The following OS9 variants were observed in gnomAD, a reference collection of about 807,000 sequenced individuals.
OS9 encodes the protein OS9 endoplasmic reticulum lectin.
In OS9, 58 loss-of-function variants were observed where a neutral mutation model predicts 84.7. That is an observed-to-expected ratio of 0.68 (90% CI 0.55 to 0.85). The LOEUF (loss-of-function observed/expected upper bound fraction) is 0.85. Among genes scored for constraint, OS9 ranks in the 40% least tolerant of loss-of-function variants. OS9 has a pLI of 0.00. For missense variants in OS9, 760 were observed against 850.9 expected, an observed-to-expected ratio of 0.89 and a Z score of 1.33; for synonymous variants, 278 against 320.8, an observed-to-expected ratio of 0.87 and a Z score of 1.43.
intron 2 of OS9, 69 bp from the exon 3 acceptor site, chr12:57,695,710 CA>C: frequency 1.1e-6 from 1 of 952,286 alleles, no homozygotes; most frequent in South Asian, 1.3e-5. Context: ...GTCTTGGAGC[CA>C]GGAGACTCTG....
intron 5 of OS9, among the ~76,000 whole-genome samples, chr12:57,697,920 C>CGGACCCTA (rs1555192641): frequency 2.5e-5 from 2 of 81,064 alleles, no homozygotes; most frequent in South Asian, 4.0e-4. Flanking sequence ...CACACACACA[C>CGGACCCTA]ACATACACAC....
At chr12:57,708,938 C>T (rs1954251023) in intron 5 of OS9, among the ~76,000 whole-genome samples, 4 of 152,164 alleles carry the variant, frequency 2.6e-5, no homozygotes, top group African/African-American at 4.8e-5. Flanking sequence ...TGCTGATTTC[C>T]CTATAGCCGT....
At chr12:57,715,494 G>GT (rs763517651) in intron 5 of OS9, among the ~76,000 whole-genome samples, 1 of 152,174 alleles carries the variant, frequency 6.6e-6, no homozygotes, top group Non-Finnish European at 1.5e-5. Flanking sequence ...CCTGAATTCA[G>GT]TTCCTGTTTT....
Position 57,721,422 on chromosome 12 carries a change from G to A in OS9, c.*513G>A, listed in dbSNP as rs1196270119. On this transcript the variant is annotated 3_prime_UTR_variant, in exon 15 of 15. Transcript: ENST00000315970. ...CCTACAATTTGTGCTTCTGAGTTGA[G>A]GAGCCTTCACCTCTGTTGCTGAGGA... is the stretch of plus-strand genomic sequence containing the variant. 6.3e-6 allele frequency: 1 copy of A among 157,822 alleles called. No individual in the cohort carries two copies. Among genetic ancestry groups the A allele is most frequent in the Non-Finnish European group, 1.4e-5 (1 of 71,178 alleles). 9.8% of individuals were successfully genotyped at this position (157,822 alleles called of 1,614,324 possible).
At chr12:57,703,635 C>T (rs949842387) in intron 5 of OS9, among the ~76,000 whole-genome samples, 30 of 152,286 alleles carry the variant, frequency 2.0e-4, no homozygotes, top group Admixed American at 2.0e-4. Flanking sequence ...GCCAGTATCA[C>T]ACTGTTTTGA....
Position 57,720,253 on chromosome 12 carries a change from C to T in OS9, c.1755C>T (p.Leu585=), listed in dbSNP as rs530917403. The part of the protein sequence containing the change: ...LVKELLEREG[L]TAAGKIEIKI... ...AGGAGCTGCTGGAGAGGGAGGGACT[C>T]ACAGCTGCAGGTGGGCCCTGGAGGG... Residue 585 remains leucine (L), a synonymous_variant, in exon 13 of 15, where the codon CTC becomes CTT. Transcript: ENST00000315970. 1.7e-5 allele frequency: 28 copies of T among 1,613,788 alleles called. No homozygotes were observed. The highest frequency in any genetic ancestry group is 2.3e-5 in the Non-Finnish European group (27 of 1,179,966).
rs528460099 is a variant in OS9 at position 57,716,284 on chromosome 12, G to T, written c.892+91G>T. 7 of 763,280 alleles carry T rather than the reference G, an allele frequency of 9.2e-6. 1 individual carries two copies. The highest frequency in any genetic ancestry group is 5.6e-5 in the East Asian group (2 of 35,876). 47.3% of individuals were successfully genotyped at this position (763,280 alleles called of 1,614,324 possible). On this transcript the variant is annotated intron_variant, in intron 7 of 14. Transcript: ENST00000315970. ...GTCCTGACTGACTGGTGGGGTGGGG[G>T]GGGGTGGAAAAGTACCATGGGCCCT...
chr12:57,700,914 CATACAATT>C (rs1169908887), intron 5 of OS9, among the ~76,000 whole-genome samples: 3 of 151,996 alleles, frequency 2.0e-5, no homozygotes, highest in Non-Finnish European at 4.4e-5. Flanking sequence ...AGTTATAAAA[CATACAATT>C]ATACAAAAAA....
At chr12:57,719,780 T>A (rs1954619478) in intron 12 of OS9, 1 of 283,062 alleles carries the variant, frequency 3.5e-6, no homozygotes. Flanking sequence ...ACCACACTTT[T>A]CCAACCTGCT....
chr12:57,695,945 T>C lies in OS9; in HGVS notation c.404-17T>C, dbSNP rs752505390. ...CCTCTTAAGAGTAACAGTGCTTCAC[T>C]GTGGCTTCCCTTGCAGATTCAGAGA... On this transcript the variant is annotated splice_polypyrimidine_tract_variant and intron_variant, in intron 3 of 14. Coordinates refer to ENST00000315970, the MANE Select transcript of OS9 (RefSeq NM_006812.4). The C allele has an allele frequency of 7.5e-6, 12 of 1,607,494 alleles. No homozygotes were observed. The Admixed American group carries it at 1.7e-4, about 22-fold the overall frequency.
At chr12:57,697,889 A>ACACACACACACACACG (rs1299762383) in intron 5 of OS9, among the ~76,000 whole-genome samples, 5 of 142,266 alleles carry the variant, frequency 3.5e-5, no homozygotes, top group East Asian at 2.0e-4. Context: ...ACACACACAC[A>ACACACACACACACACG]CGGAACCTAA....
chr12:57,711,495 C>G (rs1347601868), intron 5 of OS9, among the ~76,000 whole-genome samples: 1 of 151,810 alleles, frequency 6.6e-6, no homozygotes, highest in Non-Finnish European at 1.5e-5. Flanking sequence ...TACAGGTGTG[C>G]GCCACCACAC....
intron 5 of OS9, among the ~76,000 whole-genome samples, chr12:57,703,793 A>T (rs1954091198): frequency 6.6e-6 from 1 of 151,904 alleles, no homozygotes; most frequent in African/African-American, 2.4e-5. Flanking sequence ...ACACCATTGG[A>T]TGCCTTTCAT....
chr12:57,697,924 T>TAA (rs1953906600), intron 5 of OS9, among the ~76,000 whole-genome samples: 1 of 91,546 alleles, frequency 1.1e-5, no homozygotes. Flanking sequence ...CACACACACA[T>TAA]ACACACACAC....
chr12:57,707,517 G>A (rs577552842), intron 5 of OS9, among the ~76,000 whole-genome samples: 1 of 152,248 alleles, frequency 6.6e-6, no homozygotes, highest in Non-Finnish European at 1.5e-5. Context: ...TCACTGTCAC[G>A]AGAAAGCACC....
intron 5 of OS9, among the ~76,000 whole-genome samples, chr12:57,703,571 G>T (rs1704844646): frequency 1.3e-5 from 2 of 152,062 alleles, no homozygotes; most frequent in Admixed American, 6.6e-5. Context: ...TATATGTGAG[G>T]GTTTATTTCT....
chr12:57,719,073 C>A lies in OS9; in HGVS notation c.1491C>A (p.Leu497=), dbSNP rs1364748803. ...CAATGCTGGCTCTCACATCCACTCT[C>A]AACAAACTCATCAAAAGACTGGAGG... ...DRAMLALTST[L]NKLIKRLEEK... is the part of the protein sequence containing the mutation. Residue 497 remains leucine (L), a synonymous_variant, in exon 12 of 15, where the codon CTC becomes CTA. Coordinates refer to ENST00000315970, the MANE Select transcript of OS9 (RefSeq NM_006812.4). 2 of 1,614,062 alleles carry A rather than the reference C, an allele frequency of 1.2e-6. No homozygotes were observed. The highest frequency in any genetic ancestry group is 3.3e-5 in the Admixed American group (2 of 60,016).
Position 57,720,279 on chromosome 12 carries a change from C to T in OS9, c.1765+16C>T, listed in dbSNP as rs376879274. 42 of 1,613,302 alleles carry T rather than the reference C, an allele frequency of 2.6e-5. 3 individuals are homozygous for T. Among genetic ancestry groups the T allele is most frequent in the Admixed American group, 1.7e-4 (10 of 60,008 alleles). On this transcript the variant is annotated intron_variant, in intron 13 of 14. Coordinates refer to ENST00000315970, the MANE Select transcript of OS9 (RefSeq NM_006812.4). ...ACAGCTGCAGGTGGGCCCTGGAGGG[C>T]GGCTGGACCCAGTGCTGTCGGAAGG... is the stretch of plus-strand genomic sequence containing the variant.
intron 5 of OS9, among the ~76,000 whole-genome samples, chr12:57,698,422 T>A (rs1953929116): frequency 6.6e-6 from 1 of 152,204 alleles, no homozygotes; most frequent in South Asian, 2.1e-4. Context: ...TGCCAAGCAC[T>A]AATAGAAACT....
Sources: gnomAD v4.1 joint callset for allele counts (sites outside exome capture counted in the v4.1 genomes callset) on GRCh38, gnomAD v4.1.1 for gene constraint, MANE v1.5 for transcripts, NCBI Gene and HGNC (gene_info 2026-07-23, HGNC 2026-07-21) for gene names.